Variants in CDK6 observed in about 807,000 individuals in gnomAD.
CDK6 encodes cyclin-dependent kinase 6.
Under a neutral mutation model 37.1 loss-of-function variants are expected in CDK6, and 6 were observed. That is an observed-to-expected ratio of 0.16 (90% confidence interval 0.09 to 0.32). The LOEUF (loss-of-function observed/expected upper bound fraction) is 0.32, where lower values mean the gene tolerates loss of function less well. Among genes scored for constraint, CDK6 ranks in the 10% least tolerant of loss-of-function variants. The probability of loss-of-function intolerance (pLI) is 1.00; values close to 1 mark genes in which losing one functional copy is unlikely to be tolerated. For missense variants in CDK6, 224 were observed against 418.9 expected (o/e 0.53, Z 4.06); for synonymous variants, 160 against 161.3 (o/e 0.99, Z 0.06).
rs1800545705 is a variant in CDK6, at chr7:92,800,609, C to T, written c.234-25778G>A. Among the ~76,000 whole-genome samples the T allele has an allele frequency of 2.6e-5, 4 of 152,306 alleles. No individual in the cohort carries two copies. The South Asian group carries it at 8.3e-4, about 32-fold the overall frequency. ...ATTAAGGAATACACAATCTGACCCA[C>T]TGTGTAGTCCCTATAGTAGGTGCCT... On this transcript the variant is annotated intron_variant, in intron 2 of 7. Transcript: ENST00000424848.
At position 92,779,432 on chromosome 7, in the gene CDK6, A is replaced by C. The variant is rs190592279; in HGVS notation, c.234-4601T>G. Among the ~76,000 whole-genome samples, 164 of 152,366 alleles carry C rather than the reference A, an allele frequency of 1.1e-3. 3 individuals are homozygous for C. In the South Asian group the frequency reaches 0.018, roughly 17 times the overall value. The stretch of plus-strand genomic sequence containing the variant: ...AGCAGAACATTTTCACATAAATTTT[A>C]ATGTATATACTTGCATATTCTTAAA... On this transcript the variant is annotated intron_variant, in intron 2 of 7. Transcript: ENST00000424848.
rs565803228 is a variant in CDK6, at chr7:92,824,925, T to A, written c.233+8166A>T. 3.9e-5 allele frequency among the ~76,000 whole-genome samples: 6 copies of A among 152,190 alleles called. No homozygotes were observed. The South Asian group carries it at 1.0e-3, about 26-fold the overall frequency. ...CCTAGGTTACTCAACTATTAAATAA[T>A]AAGCAGAGGAATCAGGATAAGAATC... On this transcript the variant is annotated intron_variant, in intron 2 of 7. Transcript: ENST00000424848.
chr7:92,634,154 T>C (rs1351349563), intron 5 of CDK6, among the ~76,000 whole-genome samples: 1 of 152,202 alleles, frequency 6.6e-6, no homozygotes. Flanking sequence ...TTTATTCTTT[T>C]ATGGCTTCAC....
intron 4 of CDK6, among the ~76,000 whole-genome samples, chr7:92,724,777 T>G (rs1045797024): frequency 1.3e-5 from 2 of 152,190 alleles, no homozygotes; most frequent in African/African-American, 4.8e-5. Flanking sequence ...TTTAAAATTC[T>G]TTTTCTTAAG....
chr7:92,825,198 C>T (rs78433167), intron 2 of CDK6, among the ~76,000 whole-genome samples: 4 of 152,124 alleles, frequency 2.6e-5, no homozygotes, highest in Non-Finnish European at 2.9e-5. Flanking sequence ...TTTAACAAAG[C>T]GTTGAATATA....
intron 5 of CDK6, among the ~76,000 whole-genome samples, chr7:92,628,825 T>C (rs558610298): frequency 1.4e-4 from 22 of 152,216 alleles, no homozygotes; most frequent in Admixed American, 3.9e-4. Context: ...TATTCTCCTA[T>C]ATCCAAAACC....
intron 3 of CDK6, among the ~76,000 whole-genome samples, chr7:92,774,233 A>C (rs1799787395): frequency 6.6e-6 from 1 of 152,178 alleles, no homozygotes; most frequent in Non-Finnish European, 1.5e-5. Context: ...GGAGGGCCTA[A>C]CAAGTAATAT....
chr7:92,673,861 T>C (rs1254163352), intron 4 of CDK6, among the ~76,000 whole-genome samples: 6 of 151,904 alleles, frequency 3.9e-5, no homozygotes, highest in Non-Finnish European at 8.8e-5. Flanking sequence ...CACTGCAACC[T>C]CCGCCTCCCG....
chr7:92,702,353 C>T (rs1459882135), intron 4 of CDK6, among the ~76,000 whole-genome samples: 2 of 148,282 alleles, frequency 1.3e-5, no homozygotes, highest in African/African-American at 5.0e-5. Context: ...CTGTCTTAGC[C>T]TCCCGAGTAG....
intron 4 of CDK6, among the ~76,000 whole-genome samples, chr7:92,721,025 G>C (rs1471295946): frequency 6.6e-6 from 1 of 152,090 alleles, no homozygotes; most frequent in Non-Finnish European, 1.5e-5. Flanking sequence ...GTTCAATAGA[G>C]GTCAGAGAAG....
chr7:92,749,686 G>C (rs1562954832), intron 3 of CDK6, among the ~76,000 whole-genome samples: 1 of 152,148 alleles, frequency 6.6e-6, no homozygotes, highest in Non-Finnish European at 1.5e-5. Context: ...GGTGTGTCCT[G>C]TAAGTTTTTG....
Position 92,658,955 on chromosome 7 carries a change from G to C in CDK6, c.647+12471C>G, listed in dbSNP as rs983619550. ...TAGTGTCGATAAACACTTTATACTT[G>C]CAAGTTTGAGCTCAAGCACCATTAA... is the stretch of plus-strand genomic sequence containing the variant. On this transcript the variant is annotated intron_variant, in intron 5 of 7. Coordinates refer to ENST00000424848, the MANE Select transcript of CDK6 (RefSeq NM_001145306.2). Among the ~76,000 whole-genome samples the C allele has an allele frequency of 9.2e-5, 14 of 152,258 alleles. No individual in the cohort carries two copies. In the South Asian group the frequency reaches 2.5e-3, roughly 27 times the overall value.
At chr7:92,645,310 C>T (rs1276378510) in intron 5 of CDK6, among the ~76,000 whole-genome samples, 1 of 152,178 alleles carries the variant, frequency 6.6e-6, no homozygotes, top group Non-Finnish European at 1.5e-5. Flanking sequence ...GCCATCAAAA[C>T]CATCATTCCC....
rs1254738495 is a variant in CDK6 at position 92,745,298 on chromosome 7, A to G, written c.370-19505T>C. On this transcript the variant is annotated intron_variant, in intron 3 of 7. Coordinates refer to ENST00000424848, the MANE Select transcript of CDK6 (RefSeq NM_001145306.2). ...GTATTCCAAGAATTTCTTCACATTC[A>G]GAGTCCTGCTCTTTCACATCCTTTT... is the stretch of plus-strand genomic sequence containing the variant. Among the ~76,000 whole-genome samples, 5 of 152,260 alleles carry G rather than the reference A, an allele frequency of 3.3e-5. No homozygotes were observed. The East Asian group carries it at 9.6e-4, about 29-fold the overall frequency.
At chr7:92,619,950 A>G (rs1175644849) in intron 6 of CDK6, among the ~76,000 whole-genome samples, 3 of 152,192 alleles carry the variant, frequency 2.0e-5, no homozygotes, top group Non-Finnish European at 4.4e-5. Flanking sequence ...TCTGGATACA[A>G]TGGGACAGGG....
chr7:92,656,857 A>G (rs1243771851), intron 5 of CDK6, among the ~76,000 whole-genome samples: 1 of 152,032 alleles, frequency 6.6e-6, no homozygotes, highest in Non-Finnish European at 1.5e-5. Context: ...AGAGGTGCCC[A>G]CCCTACACCT....
chr7:92,672,160 T>TATATACACACACACAC, intron 4 of CDK6, among the ~76,000 whole-genome samples: 1 of 79,088 alleles, frequency 1.3e-5, no homozygotes, highest in Non-Finnish European at 2.4e-5. Context: ...TATATATATA[T>TATATACACACACACAC]ACACATACAC....
chr7:92,829,291 T>A (rs1801415615), intron 2 of CDK6, among the ~76,000 whole-genome samples: 1 of 152,234 alleles, frequency 6.6e-6, no homozygotes, highest in Non-Finnish European at 1.5e-5. Flanking sequence ...ACTATTCTAA[T>A]TATAATATTT....
At chr7:92,810,015 C>T (rs1182182125) in intron 2 of CDK6, among the ~76,000 whole-genome samples, 1 of 152,304 alleles carries the variant, frequency 6.6e-6, no homozygotes, top group African/African-American at 2.4e-5. Context: ...AAGCTAACTG[C>T]CACCAAGTTG....
Sources: allele counts gnomAD v4.1 joint callset (sites outside exome capture counted in the v4.1 genomes callset), GRCh38; gene constraint gnomAD v4.1.1; transcripts MANE v1.5; gene names NCBI Gene and HGNC (gene_info 2026-07-23, HGNC 2026-07-21).